Variants in FGGY observed in about 807,000 individuals in gnomAD.
FGGY encodes the protein FGGY carbohydrate kinase domain-containing protein.
Under a neutral mutation model 71.3 loss-of-function variants are expected in FGGY, and 72 were observed. The observed-to-expected ratio is 1.01, with a 90% CI of 0.84 to 1.23. FGGY has a LOEUF of 1.23. Among genes scored for constraint, FGGY ranks in the 50% most tolerant of loss-of-function variants. The pLI, the probability that FGGY is intolerant of heterozygous loss-of-function variation, is 0.00. For missense variants in FGGY, 668 were observed against 682.3 expected (o/e 0.98, Z 0.23); for synonymous variants, 251 against 250.3 (o/e 1.00, Z -0.02).
intron 7 of FGGY, among the ~76,000 whole-genome samples, chr1:59,523,610 A>T (rs1391398840): frequency 6.6e-6 from 1 of 152,178 alleles, no homozygotes; most frequent in African/African-American, 2.4e-5. Context: ...AAGAAGGAAA[A>T]TTTCTTTGAA....
chr1:59,482,680 T>C (rs1400749151), intron 6 of FGGY, among the ~76,000 whole-genome samples: 1 of 151,598 alleles, frequency 6.6e-6, no homozygotes. Context: ...CTTTTATATA[T>C]AGTATCACTT....
chr1:59,665,585 G>T (rs926413796), intron 12 of FGGY, among the ~76,000 whole-genome samples: 1 of 151,902 alleles, frequency 6.6e-6, no homozygotes. Flanking sequence ...TCCCCAGACA[G>T]CCTTGTCAAA....
chr1:59,567,043 G>A (rs1340593127), intron 8 of FGGY, among the ~76,000 whole-genome samples: 1 of 152,078 alleles, frequency 6.6e-6, no homozygotes, highest in African/African-American at 2.4e-5. Context: ...ATGAGCATAA[G>A]GACAGACAGA....
chr1:59,619,902 G>T (rs1056017554), intron 9 of FGGY, among the ~76,000 whole-genome samples: 2 of 152,020 alleles, frequency 1.3e-5, no homozygotes, highest in Non-Finnish European at 2.9e-5. Context: ...TGATGGCATG[G>T]AGCTGGTAAA....
At chr1:59,309,136 A>G (rs1052191285) in intron 1 of FGGY, among the ~76,000 whole-genome samples, 2 of 152,178 alleles carry the variant, frequency 1.3e-5, no homozygotes, top group African/African-American at 2.4e-5. Flanking sequence ...AAATTATTCT[A>G]TCAAAGATAG....
intron 11 of FGGY, among the ~76,000 whole-genome samples, chr1:59,648,767 G>C (rs909749248): frequency 6.6e-6 from 1 of 151,898 alleles, no homozygotes; most frequent in African/African-American, 2.4e-5. Context: ...GATCCCATTT[G>C]TCAATTTTGG....
At chr1:59,585,368 C>T (rs1006888363) in intron 8 of FGGY, among the ~76,000 whole-genome samples, 1 of 152,138 alleles carries the variant, frequency 6.6e-6, no homozygotes, top group African/African-American at 2.4e-5. Context: ...TAATACCACA[C>T]ATCTACAACC....
At chr1:59,582,626 G>A (rs1258277230) in intron 8 of FGGY, among the ~76,000 whole-genome samples, 2 of 149,620 alleles carry the variant, frequency 1.3e-5, no homozygotes, top group Admixed American at 6.6e-5. Flanking sequence ...ATATCCTCTC[G>A]CTGGAAGCTT....
At chr1:59,637,893 A>T (rs979393452) in intron 10 of FGGY, among the ~76,000 whole-genome samples, 1 of 152,188 alleles carries the variant, frequency 6.6e-6, no homozygotes, top group Non-Finnish European at 1.5e-5. Flanking sequence ...CAATAACCCT[A>T]TGAGGTAAGT....
At chr1:59,571,419 T>A (rs2095983586) in intron 8 of FGGY, among the ~76,000 whole-genome samples, 1 of 152,198 alleles carries the variant, frequency 6.6e-6, no homozygotes, top group African/African-American at 2.4e-5. Context: ...AGATGAATAC[T>A]CAGCAAACAA....
intron 4 of FGGY, among the ~76,000 whole-genome samples, chr1:59,359,386 C>T (rs2153229530): frequency 6.6e-6 from 1 of 152,288 alleles, no homozygotes; most frequent in Middle Eastern, 3.4e-3. Flanking sequence ...AAGAATCATA[C>T]TTGAGACTGG....
At chr1:59,375,307 T>C (rs116746067) in intron 4 of FGGY, among the ~76,000 whole-genome samples, 2,777 of 149,740 alleles carry the variant, frequency 0.019, 77 homozygotes, top group African/African-American at 0.064. Flanking sequence ...AAAAACTGCA[T>C]GGGATCCTCA....
At chr1:59,641,867 C>T (rs1265253196) in intron 11 of FGGY, among the ~76,000 whole-genome samples, 1 of 152,194 alleles carries the variant, frequency 6.6e-6, no homozygotes, top group Non-Finnish European at 1.5e-5. Flanking sequence ...CTTCTGCTCC[C>T]TTGCATAAAA....
chr1:59,388,181 C>G (rs1305212485), intron 5 of FGGY, among the ~76,000 whole-genome samples: 1 of 152,036 alleles, frequency 6.6e-6, no homozygotes, highest in Non-Finnish European at 1.5e-5. Context: ...TTTGCCAACC[C>G]TATCTCAAGT....
intron 5 of FGGY, among the ~76,000 whole-genome samples, chr1:59,432,932 G>C (rs2067684499): frequency 6.6e-6 from 1 of 152,212 alleles, no homozygotes; most frequent in Non-Finnish European, 1.5e-5. Context: ...CCACTAGACT[G>C]TGGGTAGTTT....
chr1:59,568,778 G>A (rs1206022653), intron 8 of FGGY, among the ~76,000 whole-genome samples: 2 of 152,060 alleles, frequency 1.3e-5, no homozygotes, highest in East Asian at 3.8e-4. Context: ...TTTCCCATGA[G>A]CCTAAACTCC....
intron 8 of FGGY, among the ~76,000 whole-genome samples, chr1:59,562,917 CT>C (rs1047743706): frequency 6.6e-6 from 1 of 152,050 alleles, no homozygotes; most frequent in African/African-American, 2.4e-5. Context: ...CTCAATAATG[CT>C]TTTTAAAAAC....
At chr1:59,493,132 A>ACACACACACACAC (rs1200996976) in intron 6 of FGGY, among the ~76,000 whole-genome samples, 2 of 54,870 alleles carry the variant, frequency 3.6e-5, no homozygotes, top group South Asian at 7.2e-4. Context: ...CACACACACA[A>ACACACACACACAC]AACAGAAAGT....
intron 2 of FGGY, among the ~76,000 whole-genome samples, chr1:59,338,812 G>A (rs2153195998): frequency 6.6e-6 from 1 of 152,144 alleles, no homozygotes; most frequent in African/African-American, 2.4e-5. Flanking sequence ...ACTTACTTTT[G>A]CTAATAAGAT....
Sources: gnomAD v4.1 joint callset for allele counts (sites outside exome capture counted in the v4.1 genomes callset) on GRCh38, gnomAD v4.1.1 for gene constraint, MANE v1.5 for transcripts, NCBI Gene and HGNC (gene_info 2026-07-23, HGNC 2026-07-21) for gene names.